CAND2: variants seen among roughly 807,000 people sequenced by gnomAD.
CAND2 encodes cullin associated and neddylation dissociated 2 (putative).
In CAND2, 62 loss-of-function variants were observed where a neutral mutation model predicts 98.9. That is an observed-to-expected ratio of 0.63 (90% CI 0.51 to 0.77). CAND2 has a LOEUF of 0.77. Ranked by LOEUF, CAND2 falls within the 30% of genes least tolerant of loss-of-function variation. The pLI is 0.00. For synonymous variants in CAND2, 770 were observed against 731.9 expected, an observed-to-expected ratio of 1.05 and a Z score of -0.84; for missense variants, 1,501 against 1,655.2, an observed-to-expected ratio of 0.91 and a Z score of 1.62.
chr3:12,822,948 T>C (rs1158212052), intron 11 of CAND2, among the ~76,000 whole-genome samples: 4 of 150,498 alleles, frequency 2.7e-5, no homozygotes, highest in Admixed American at 6.6e-5. Context: ...CCCTCTCTCT[T>C]CTTTCTCTTC....
chr3:12,825,618 C>T lies in CAND2; in HGVS notation c.3189C>T (p.Ile1063=), dbSNP rs376934216. The change falls in exon 12 of 15, where the codon ATC becomes ATT. Residue 1063 remains isoleucine, a synonymous_variant. Coordinates refer to ENST00000456430, the MANE Select transcript of CAND2 (RefSeq NM_001162499.2). ...ILPLLYQETK[I]RRDLIREVEM... ...CCCTCCTCTACCAGGAGACAAAGATCCGGCGGGACCTCATCCGAGAGGTGT... is the reference window on the plus strand; with the variant it reads ...CCCTCCTCTACCAGGAGACAAAGATTCGGCGGGACCTCATCCGAGAGGTGT... The T allele has an allele frequency of 1.3e-4, 210 of 1,604,232 alleles. No individual in the cohort carries two copies. The highest frequency in any genetic ancestry group is 1.7e-4 in the Non-Finnish European group (197 of 1,175,590).
chr3:12,815,397 C>G lies in CAND2; in HGVS notation c.1263C>G (p.Thr421=). 6.2e-7 allele frequency: 1 copy of G among 1,613,494 alleles called. No homozygotes were observed. Among genetic ancestry groups the G allele is most frequent in the South Asian group, 1.1e-5 (1 of 91,060 alleles). The change falls in exon 8 of 15, where the codon ACC becomes ACG. Residue 421 remains threonine (T), a synonymous_variant. Transcript: ENST00000456430. The surrounding 1 kb of genome is among the most constrained non-coding windows in gnomAD (Gnocchi z 5.7). ...KGWLEAMEEP[T]QTGSNLHMLR... ...GGCTGGAGGCCATGGAGGAACCCAC[C>G]CAGACCGGCAGCAACCTCCATATGC...
At position 12,819,561 on chromosome 3, in the gene CAND2, G is replaced by C. The variant is rs914706352; in HGVS notation, c.2945-525G>C. 1.6e-4 allele frequency among the ~76,000 whole-genome samples: 25 copies of C among 152,302 alleles called. 1 individual carries two copies. The highest frequency in any genetic ancestry group is 4.1e-4 in the South Asian group (2 of 4,826). Reference sequence around the variant, plus strand: ...CCTGGAGGTGATCCGAGTTCTGTTAGGCCTCCCTGACCACCAGCCAGAACG... The same window carrying C: ...CCTGGAGGTGATCCGAGTTCTGTTACGCCTCCCTGACCACCAGCCAGAACG... On this transcript the variant is annotated intron_variant, in intron 10 of 14. Coordinates refer to ENST00000456430, the MANE Select transcript of CAND2 (RefSeq NM_001162499.2).
In CAND2 at chr3:12,834,106, C is replaced by T. The variant is rs906342013; in HGVS notation, c.*124C>T. On this transcript the variant is annotated 3_prime_UTR_variant, in exon 15 of 15. Transcript: ENST00000456430. ...TCCACCATCTCACTGGGGGCCCTGT[C>T]GCTCCTGGTCAGGGCTTACAGTGCC... 29 of 764,188 alleles carry T rather than the reference C, an allele frequency of 3.8e-5. No individual in the cohort carries two copies. Among genetic ancestry groups the T allele is most frequent in the African/African-American group, 3.3e-4 (19 of 57,560 alleles). The allele number at this position is 764,188 out of a possible 1,614,324, so 47.3% of individuals were successfully genotyped here.
chr3:12,809,438 A>T (rs1467492273), intron 4 of CAND2, among the ~76,000 whole-genome samples: 2 of 152,138 alleles, frequency 1.3e-5, no homozygotes. Flanking sequence ...ACATAGAAAT[A>T]AGGGAGGGTA....
Position 12,812,946 on chromosome 3 carries a change from GGA to G in CAND2, c.758-40_758-39del, listed in dbSNP as rs756098284. On this transcript the variant is annotated intron_variant, in intron 5 of 14. Transcript: ENST00000456430. The stretch of plus-strand genomic sequence containing the variant: ...AGTGCTGTGGGCTGGGGGAACTCCG[GGA>G]GAGTGTCTGGCTTGGGTTCAGTGAT... 5.6e-5 allele frequency: 72 copies of G among 1,277,966 alleles called. No individual in the cohort carries two copies. The Admixed American group carries it at 1.4e-3, about 25-fold the overall frequency. 79.2% of individuals were successfully genotyped at this position (1,277,966 alleles called of 1,614,324 possible). A position where few individuals can be genotyped will look rare whatever the true frequency, so the allele number is the denominator to read the frequency against.
At chr3:12,832,788 T>C (rs540159299) in intron 14 of CAND2, 2 of 152,360 alleles carry the variant, frequency 1.3e-5, no homozygotes, top group East Asian at 3.9e-4. Context: ...GGGACACCTG[T>C]ACTACTCACA....
intron 13 of CAND2, among the ~76,000 whole-genome samples, chr3:12,830,769 G>C (rs2062046478): frequency 6.6e-6 from 1 of 152,212 alleles, no homozygotes; most frequent in Non-Finnish European, 1.5e-5. Context: ...CAGGGTCATG[G>C]AGTAGCCAAG....
chr3:12,820,051 T>C, intron 10 of CAND2, 35 bp from the exon 11 acceptor site: 2 of 1,571,106 alleles, frequency 1.3e-6, no homozygotes, highest in East Asian at 4.5e-5. Flanking sequence ...GATTGGCCCC[T>C]GCCCCTCACT....
At chr3:12,823,734 A>G (rs1359495741) in intron 11 of CAND2, among the ~76,000 whole-genome samples, 1 of 150,688 alleles carries the variant, frequency 6.6e-6, no homozygotes, top group Non-Finnish European at 1.5e-5. Flanking sequence ...CATCTCAAAA[A>G]AAAAAACAAC....
intron 1 of CAND2, among the ~76,000 whole-genome samples, chr3:12,800,615 A>G (rs956915154): frequency 2.0e-5 from 3 of 152,186 alleles, no homozygotes; most frequent in Non-Finnish European, 4.4e-5. Flanking sequence ...AACTGGGGAG[A>G]GGGCAGCCAC....
intron 13 of CAND2, 148 bp from the exon 14 acceptor site, chr3:12,831,317 C>G (rs2124876240): frequency 4.4e-6 from 3 of 678,256 alleles, no homozygotes; most frequent in Non-Finnish European, 8.0e-6. Context: ...GAAACAGACC[C>G]AGAGAGGGAG....
intron 11 of CAND2, among the ~76,000 whole-genome samples, chr3:12,824,357 G>A (rs2061982621): frequency 6.6e-6 from 1 of 152,182 alleles, no homozygotes; most frequent in African/African-American, 2.4e-5. Context: ...TGTGGAGACT[G>A]GGAGGTCCAA....
chr3:12,819,903 G>A (rs2061942616), intron 10 of CAND2, among the ~76,000 whole-genome samples, 183 bp from the exon 11 acceptor site: 4 of 152,136 alleles, frequency 2.6e-5, no homozygotes, highest in African/African-American at 9.7e-5. Context: ...GCTGCAGCAG[G>A]AAGAATTGAG....
chr3:12,827,716 A>G, intron 13 of CAND2, 112 bp downstream of exon 13: 1 of 1,016,682 alleles, frequency 9.8e-7, no homozygotes. Context: ...CCCAATGAAA[A>G]TAGCTGCATT....
At chr3:12,831,615 A>G in intron 14 of CAND2, 43 bp downstream of exon 14, 1 of 1,362,894 alleles carries the variant, frequency 7.3e-7, no homozygotes, top group South Asian at 1.3e-5. Flanking sequence ...TGGAGCACCT[A>G]TGGAGTCCTC....
At chr3:12,816,303 A>G (rs1575772226) in intron 9 of CAND2, 71 bp from the exon 10 acceptor site, 3 of 1,456,548 alleles carry the variant, frequency 2.1e-6, no homozygotes, top group Admixed American at 4.0e-5. Context: ...TAGGTACCCC[A>G]GCCTTGCTTC....
chr3:12,822,888 G>A (rs1016692464), intron 11 of CAND2, among the ~76,000 whole-genome samples: 5 of 152,050 alleles, frequency 3.3e-5, no homozygotes, highest in Non-Finnish European at 7.4e-5. Flanking sequence ...GCACACCCAT[G>A]CACATCTTTC....
intron 13 of CAND2, among the ~76,000 whole-genome samples, chr3:12,828,503 A>G (rs62241260): frequency 6.6e-6 from 1 of 151,978 alleles, no homozygotes; most frequent in Non-Finnish European, 1.5e-5. Context: ...ACACTCAGCT[A>G]AATTTTTTTT....
Sources: allele counts gnomAD v4.1 joint callset (sites outside exome capture counted in the v4.1 genomes callset), GRCh38; gene constraint gnomAD v4.1.1; non-coding constraint Gnocchi (gnomAD v3.1); transcripts MANE v1.5; gene names NCBI Gene and HGNC (gene_info 2026-07-23, HGNC 2026-07-21).